MAP3K7: variants seen among roughly 807,000 people sequenced by gnomAD.
The protein encoded by MAP3K7 is mitogen-activated protein kinase kinase kinase 7.
In MAP3K7, 21 loss-of-function variants were observed where a neutral mutation model predicts 84.8. The ratio of observed to expected loss-of-function variants is 0.25; its 90% CI spans 0.18 to 0.36. The LOEUF (loss-of-function observed/expected upper bound fraction) is 0.36, where lower values mean the gene tolerates loss of function less well. MAP3K7 is among the 10% of genes least tolerant of loss of function. The pLI is 1.00. For missense variants in MAP3K7, 503 were observed against 747.7 expected, an observed-to-expected ratio of 0.67 and a Z score of 3.82; for synonymous variants, 241 against 247.7, an observed-to-expected ratio of 0.97 and a Z score of 0.25.
intron 14 of MAP3K7, among the ~76,000 whole-genome samples, chr6:90,523,061 T>C (rs780824872): frequency 1.3e-5 from 2 of 152,292 alleles, no homozygotes; most frequent in Non-Finnish European, 2.9e-5. Context: ...AACGATGCCG[T>C]CACTACCTTT....
chr6:90,542,728 G>T (rs1007772317), intron 12 of MAP3K7, among the ~76,000 whole-genome samples: 4 of 151,988 alleles, frequency 2.6e-5, no homozygotes, highest in African/African-American at 9.7e-5. Context: ...TTGTAAGATT[G>T]TATAAAGGTA....
At chr6:90,554,648 G>C (rs1776280094) in intron 6 of MAP3K7, among the ~76,000 whole-genome samples, 1 of 152,100 alleles carries the variant, frequency 6.6e-6, no homozygotes, top group Admixed American at 6.5e-5. Context: ...TCTGCATTTT[G>C]TTGCTCTAGA....
intron 1 of MAP3K7, among the ~76,000 whole-genome samples, chr6:90,583,927 T>C (rs546741997): frequency 6.6e-6 from 1 of 152,318 alleles, no homozygotes; most frequent in East Asian, 1.9e-4. Flanking sequence ...CTGAATTGAA[T>C]TGAATCTAAG....
chr6:90,560,014 G>T (rs1195735547), intron 5 of MAP3K7, 62 bp downstream of exon 5: 63 of 1,588,690 alleles, frequency 4.0e-5, no homozygotes, highest in Middle Eastern at 3.3e-4. Flanking sequence ...AGTGGGTTCG[G>T]GGTGGTGAGA....
chr6:90,576,433 A>T lies in MAP3K7; in HGVS notation c.121-4626T>A, dbSNP rs1020213538. Among the ~76,000 whole-genome samples, 1,065 of 132,134 alleles carry T rather than the reference A, an allele frequency of 8.1e-3. 9 individuals carry two copies. The highest frequency in any genetic ancestry group is 1.0e-2 in the Non-Finnish European group (644 of 64,668). The allele number at this position is 132,134 out of a possible 152,430, so 86.7% of individuals were successfully genotyped here. A position where few individuals can be genotyped will look rare whatever the true frequency, so the allele number is the denominator to read the frequency against. ...GCTAGACTCTGTCACACACACACAC[A>T]CACACACACACACACACACACACAC... On this transcript the variant is annotated intron_variant, in intron 1 of 16. Transcript: ENST00000369329.
At chr6:90,557,420 A>G (rs1776371709) in intron 5 of MAP3K7, among the ~76,000 whole-genome samples, 1 of 152,196 alleles carries the variant, frequency 6.6e-6, no homozygotes, top group East Asian at 1.9e-4. Context: ...TGGAGAGACT[A>G]TTTGGAAATT....
intron 3 of MAP3K7, among the ~76,000 whole-genome samples, chr6:90,563,932 G>T (rs1327454671): frequency 6.6e-6 from 1 of 152,160 alleles, no homozygotes; most frequent in African/African-American, 2.4e-5. Flanking sequence ...TTAAAGAAAA[G>T]AATTTTCAAC....
chr6:90,562,334 C>T (rs925849803), intron 3 of MAP3K7, among the ~76,000 whole-genome samples: 1 of 152,154 alleles, frequency 6.6e-6, no homozygotes, highest in African/African-American at 2.4e-5. Flanking sequence ...ACAAGGGAAG[C>T]TGTGACAGAT....
intron 13 of MAP3K7, among the ~76,000 whole-genome samples, chr6:90,524,322 G>GT (rs1174641318): frequency 1.3e-5 from 2 of 152,136 alleles, no homozygotes; most frequent in Non-Finnish European, 2.9e-5. Context: ...AGGGAGAAAT[G>GT]TATTAACTGT....
At chr6:90,522,680 C>A (rs1056373492) in intron 14 of MAP3K7, among the ~76,000 whole-genome samples, 1 of 152,082 alleles carries the variant, frequency 6.6e-6, no homozygotes, top group Non-Finnish European at 1.5e-5. Flanking sequence ...TACACCCTGG[C>A]TAAACATAGT....
At chr6:90,567,052 A>G (rs1776731491) in intron 3 of MAP3K7, among the ~76,000 whole-genome samples, 1 of 152,222 alleles carries the variant, frequency 6.6e-6, no homozygotes, top group Non-Finnish European at 1.5e-5. Context: ...TACCTTATAC[A>G]AAAATTAATT....
At chr6:90,567,273 C>A (rs9359894) in intron 3 of MAP3K7, among the ~76,000 whole-genome samples, 1 of 151,968 alleles carries the variant, frequency 6.6e-6, no homozygotes, top group Non-Finnish European at 1.5e-5. Context: ...AGAGTGAACA[C>A]GCAACCTACA....
intron 1 of MAP3K7, among the ~76,000 whole-genome samples, chr6:90,575,039 T>C (rs1290749988): frequency 1.3e-5 from 2 of 152,092 alleles, no homozygotes; most frequent in East Asian, 3.9e-4. Flanking sequence ...AAATACAGGA[T>C]AGAAATAATA....
At chr6:90,519,618 T>C (rs1156879521) in intron 14 of MAP3K7, among the ~76,000 whole-genome samples, 1 of 151,986 alleles carries the variant, frequency 6.6e-6, no homozygotes, top group Non-Finnish European at 1.5e-5. Flanking sequence ...AAAACAGTGA[T>C]GAGACCTTTA....
intron 3 of MAP3K7, among the ~76,000 whole-genome samples, chr6:90,565,175 A>C (rs1364027846): frequency 1.3e-5 from 2 of 152,204 alleles, no homozygotes; most frequent in Non-Finnish European, 2.9e-5. Flanking sequence ...AAACACATTC[A>C]AAAGTTGGCA....
At chr6:90,551,931 G>T in intron 8 of MAP3K7, 118 bp downstream of exon 8, 1 of 1,146,352 alleles carries the variant, frequency 8.7e-7, no homozygotes. Flanking sequence ...TTCTCACTTA[G>T]AAAACATAGC....
chr6:90,547,523 C>A (rs917692423), intron 10 of MAP3K7, 136 bp from the exon 11 acceptor site: 15 of 914,066 alleles, frequency 1.6e-5, no homozygotes, highest in Non-Finnish European at 2.4e-5. Flanking sequence ...GAAGTTTGTA[C>A]GAGAGGGAGC....
At chr6:90,571,893 G>C in intron 1 of MAP3K7, 86 bp from the exon 2 acceptor site, 1 of 551,206 alleles carries the variant, frequency 1.8e-6, no homozygotes. Flanking sequence ...AAAAACTAAA[G>C]TCAATCTTTA....
chr6:90,568,445 ATTTTTG>A, intron 3 of MAP3K7, 107 bp downstream of exon 3: 1 of 730,868 alleles, frequency 1.4e-6, no homozygotes, highest in East Asian at 2.8e-5. Context: ...AAAATATAAT[ATTTTTG>A]AAAAACTTAA....
Sources: allele counts gnomAD v4.1 joint callset (sites outside exome capture counted in the v4.1 genomes callset), GRCh38; gene constraint gnomAD v4.1.1; transcripts MANE v1.5; gene names NCBI Gene and HGNC (gene_info 2026-07-23, HGNC 2026-07-21).